The following TENT5D variants were observed in gnomAD, a reference collection of about 807,000 sequenced individuals.
TENT5D encodes cancer/testis antigen 112.
For missense variants in TENT5D, 191 were observed against 287.0 expected (o/e 0.67, Z 2.42); for synonymous variants, 103 against 100.6 (o/e 1.02, Z -0.15).
chrX:80,431,847 C>G, intron 1 of TENT5D, among the ~76,000 whole-genome samples: 1 of 111,397 alleles, frequency 9.0e-6, no homozygotes, highest in African/African-American at 3.3e-5. Flanking sequence ...TATTTTAGTT[C>G]TGCTGGGAAG....
At chrX:80,353,166 T>C (rs1930220694) in intron 3 of TENT5D, among the ~76,000 whole-genome samples, 1 of 112,718 alleles carries the variant, frequency 8.9e-6, no homozygotes, top group South Asian at 3.6e-4. Context: ...TGGTTTGTCT[T>C]ATTCTTAAGT....
chrX:80,348,727 T>A (rs1930116295), intron 3 of TENT5D, among the ~76,000 whole-genome samples: 1 of 111,835 alleles, frequency 8.9e-6, no homozygotes, highest in Admixed American at 9.5e-5. Flanking sequence ...AGGGCATCCT[T>A]GTCTTGTGCC....
intron 3 of TENT5D, among the ~76,000 whole-genome samples, chrX:80,400,124 C>T (rs1035688564): frequency 1.8e-5 from 2 of 111,467 alleles, no homozygotes; most frequent in African/African-American, 3.3e-5. Context: ...TGGTGTAACT[C>T]TCAGTCCAGG....
chrX:80,382,765 T>C (rs1333498273), intron 3 of TENT5D, among the ~76,000 whole-genome samples: 1 of 110,730 alleles, frequency 9.0e-6, no homozygotes, highest in African/African-American at 3.3e-5. Context: ...GCACTAGCAG[T>C]GAGCAAGGCT....
At chrX:80,436,499 G>A (rs993763689) in intron 1 of TENT5D, among the ~76,000 whole-genome samples, 14 of 110,346 alleles carry the variant, frequency 1.3e-4, no homozygotes, top group Admixed American at 9.7e-5. Flanking sequence ...CCATCAACCC[G>A]TCATCTACAT....
intron 3 of TENT5D, among the ~76,000 whole-genome samples, chrX:80,355,008 G>T (rs1256403276): frequency 1.8e-5 from 2 of 111,882 alleles, no homozygotes; most frequent in East Asian, 2.8e-4. Flanking sequence ...TGGGCCATTT[G>T]TTCTAACCCC....
intron 3 of TENT5D, among the ~76,000 whole-genome samples, chrX:80,385,278 A>G (rs1000474453): frequency 1.8e-5 from 2 of 111,124 alleles, no homozygotes; most frequent in Admixed American, 9.6e-5. Flanking sequence ...CACATCTACA[A>G]CTATCTGATC....
chrX:80,443,758 A>G, exon 3 of TENT5D: 1 of 1,017,103 alleles, frequency 9.8e-7, no homozygotes, highest in Non-Finnish European at 1.3e-6. Context: ...AACACCATTT[A>G]AAAGCAAGTT....
At chrX:80,367,763 CT>C (rs1192972916) in intron 3 of TENT5D, among the ~76,000 whole-genome samples, 1 of 111,710 alleles carries the variant, frequency 9.0e-6, no homozygotes, top group African/African-American at 3.2e-5. Context: ...TTCACATGTT[CT>C]CACTCATTTG....
intron 2 of TENT5D, among the ~76,000 whole-genome samples, chrX:80,337,296 T>A (rs1929870660): frequency 2.7e-5 from 3 of 111,844 alleles, no homozygotes; most frequent in African/African-American, 9.7e-5. Flanking sequence ...TTGTGAACTA[T>A]CACCCAATTT....
At chrX:80,369,872 A>C (rs1235890956) in intron 3 of TENT5D, among the ~76,000 whole-genome samples, 1 of 111,550 alleles carries the variant, frequency 9.0e-6, no homozygotes, top group African/African-American at 3.3e-5. Context: ...ATCAGTCCCC[A>C]AAAGATACCA....
chrX:80,381,293 C>G (rs894015749), intron 3 of TENT5D, among the ~76,000 whole-genome samples: 8 of 112,112 alleles, frequency 7.1e-5, no homozygotes, highest in Non-Finnish European at 1.5e-4. Context: ...GGCCCCCACT[C>G]TCTTCTGGCT....
chrX:80,339,878 G>T (rs193278284), intron 2 of TENT5D, among the ~76,000 whole-genome samples: 3,308 of 106,151 alleles, frequency 0.031, 117 homozygotes, highest in Admixed American at 0.09. Flanking sequence ...TATATAGAGA[G>T]AGAGAGAGAG....
chrX:80,428,835 A>C (rs1352222319), intron 1 of TENT5D, among the ~76,000 whole-genome samples: 2 of 111,940 alleles, frequency 1.8e-5, no homozygotes, highest in Non-Finnish European at 3.8e-5. Flanking sequence ...GACAGAGCTG[A>C]GCTTTAGATT....
intron 3 of TENT5D, among the ~76,000 whole-genome samples, chrX:80,348,300 C>T (rs1050395293): frequency 4.5e-5 from 5 of 111,893 alleles, no homozygotes; most frequent in Non-Finnish European, 9.4e-5. Flanking sequence ...TATCCATGAG[C>T]ATGGAATGTT....
chrX:80,436,827 A>G (rs1003512454), intron 1 of TENT5D, among the ~76,000 whole-genome samples: 1 of 111,695 alleles, frequency 9.0e-6, no homozygotes, highest in Non-Finnish European at 1.9e-5. Context: ...ACACACTTCT[A>G]CTTTTAATTA....
chrX:80,349,838 C>T (rs1379561116), intron 3 of TENT5D, among the ~76,000 whole-genome samples: 1 of 111,049 alleles, frequency 9.0e-6, no homozygotes, highest in Non-Finnish European at 1.9e-5. Flanking sequence ...CCCAGAGATT[C>T]AGGTACATTG....
chrX:80,436,013 G>C (rs1467325296), intron 1 of TENT5D, among the ~76,000 whole-genome samples: 1 of 111,534 alleles, frequency 9.0e-6, no homozygotes, highest in Non-Finnish European at 1.9e-5. Context: ...TTTAAAGATG[G>C]GGTGAACAAC....
intron 1 of TENT5D, among the ~76,000 whole-genome samples, chrX:80,423,653 C>G (rs1931930768): frequency 1.8e-5 from 2 of 109,037 alleles, no homozygotes; most frequent in South Asian, 4.1e-4. Context: ...CAATTAGGAG[C>G]TGAAGCAATG....
Sources: gnomAD v4.1 joint callset for allele counts (sites outside exome capture counted in the v4.1 genomes callset) on GRCh38, gnomAD v4.1.1 for gene constraint, MANE v1.5 for transcripts, NCBI Gene and HGNC (gene_info 2026-07-23, HGNC 2026-07-21) for gene names.